The following SLC25A21 variants were observed in gnomAD, a reference collection of about 807,000 sequenced individuals.
SLC25A21 encodes the protein mitochondrial 2-oxodicarboxylate carrier.
Under a neutral mutation model 43.8 loss-of-function variants are expected in SLC25A21, and 47 were observed. The ratio of observed to expected loss-of-function variants is 1.07; its 90% CI spans 0.85 to 1.37. The LOEUF (loss-of-function observed/expected upper bound fraction) is 1.37, where lower values mean the gene tolerates loss of function less well. Ranked by LOEUF, SLC25A21 falls within the 40% of genes most tolerant of loss-of-function variation. SLC25A21 has a pLI of 0.00. For missense variants in SLC25A21, 352 were observed against 350.2 expected, an observed-to-expected ratio of 1.00 and a Z score of -0.04; for synonymous variants, 131 against 121.3, an observed-to-expected ratio of 1.08 and a Z score of -0.52.
intron 1 of SLC25A21, among the ~76,000 whole-genome samples, chr14:36,880,944 T>C (rs1327703436): frequency 6.6e-6 from 1 of 152,184 alleles, no homozygotes; most frequent in African/African-American, 2.4e-5. Flanking sequence ...GCAACAAGGA[T>C]GCTTGAAAGC....
chr14:37,120,104 C>T, intron 1 of SLC25A21, among the ~76,000 whole-genome samples: 1 of 151,752 alleles, frequency 6.6e-6, no homozygotes, highest in East Asian at 1.9e-4. Flanking sequence ...ATTTTTATAC[C>T]TTCTAAATTT....
intron 3 of SLC25A21, among the ~76,000 whole-genome samples, chr14:36,777,323 TAAAC>T (rs764385395): frequency 1.3e-5 from 2 of 151,972 alleles, no homozygotes; most frequent in Middle Eastern, 3.2e-3. Context: ...ACATCTTAAA[TAAAC>T]AAACAAACAA....
chr14:36,727,936 A>C (rs1403329126), intron 5 of SLC25A21, among the ~76,000 whole-genome samples: 2 of 152,192 alleles, frequency 1.3e-5, no homozygotes, highest in African/African-American at 2.4e-5. Context: ...CCAGATGTCC[A>C]GGTTTTTATT....
At chr14:37,019,704 G>A (rs1025047734) in intron 1 of SLC25A21, among the ~76,000 whole-genome samples, 4 of 151,834 alleles carry the variant, frequency 2.6e-5, no homozygotes, top group East Asian at 1.9e-4. Flanking sequence ...AGGAGACTGC[G>A]AGAGGTATTT....
At chr14:36,970,522 T>C (rs1959726092) in intron 1 of SLC25A21, among the ~76,000 whole-genome samples, 2 of 152,106 alleles carry the variant, frequency 1.3e-5, no homozygotes, top group Admixed American at 6.6e-5. Flanking sequence ...TATGAAACAA[T>C]AACTAGAGGG....
At chr14:36,861,780 CAGAT>C (rs753585242) in intron 2 of SLC25A21, among the ~76,000 whole-genome samples, 15 of 152,196 alleles carry the variant, frequency 9.9e-5, no homozygotes, top group Non-Finnish European at 2.2e-4. Flanking sequence ...GAGCTAATCT[CAGAT>C]AGACCTTGAA....
intron 2 of SLC25A21, among the ~76,000 whole-genome samples, chr14:36,834,599 C>G (rs1889145864): frequency 6.6e-6 from 1 of 152,306 alleles, no homozygotes; most frequent in African/African-American, 2.4e-5. Context: ...ACTTCTCCCT[C>G]CCAACTGCCC....
rs537439651 is a variant in SLC25A21, at chr14:36,897,411, A to G, written c.71-22407T>C. ...TCAGGTCCTTTAAGGACTTCTCTGC[A>G]TTGGTTATTCTAGTTAGCCATTCGT... is the stretch of plus-strand genomic sequence containing the variant. On this transcript the variant is annotated intron_variant, in intron 1 of 9. Transcript: ENST00000331299. 1.6e-3 allele frequency among the ~76,000 whole-genome samples: 241 copies of G among 151,688 alleles called. 1 individual carries two copies. Among genetic ancestry groups the G allele is most frequent in the Non-Finnish European group, 2.6e-3 (174 of 67,892 alleles).
At chr14:37,040,440 A>AAAGAAAGAAAG (rs68013942) in intron 1 of SLC25A21, among the ~76,000 whole-genome samples, 134 of 48,688 alleles carry the variant, frequency 2.8e-3, no homozygotes, top group African/African-American at 8.0e-3. Flanking sequence ...AGAAAGAAAG[A>AAAGAAAGAAAG]AAAGAAAAAT....
chr14:36,828,768 A>G (rs144688298), intron 2 of SLC25A21: 164 of 152,272 alleles, frequency 1.1e-3, no homozygotes, highest in Non-Finnish European at 1.9e-3. Context: ...CCCTCATCAC[A>G]CTGACTTTGA....
chr14:36,934,596 C>T lies in SLC25A21; in HGVS notation c.71-59592G>A, dbSNP rs570754501. On this transcript the variant is annotated intron_variant, in intron 1 of 9. Transcript: ENST00000331299. ...TAGTTCCTATGCCATTTCCACTTAACTTCCAATTCACCAGTACTTATGGGG... is the reference window on the plus strand; with the variant it reads ...TAGTTCCTATGCCATTTCCACTTAATTTCCAATTCACCAGTACTTATGGGG... 2.0e-5 allele frequency among the ~76,000 whole-genome samples: 3 copies of T among 152,002 alleles called. No homozygotes were observed. The East Asian group carries it at 5.8e-4, about 29-fold the overall frequency.
chr14:37,111,627 A>AT (rs1963020921), intron 1 of SLC25A21, among the ~76,000 whole-genome samples: 3 of 152,222 alleles, frequency 2.0e-5, no homozygotes, highest in Non-Finnish European at 4.4e-5. Flanking sequence ...CATATTTCTC[A>AT]TCTATACCAG....
chr14:36,938,004 T>A (rs1333687007), intron 1 of SLC25A21, among the ~76,000 whole-genome samples: 1 of 152,154 alleles, frequency 6.6e-6, no homozygotes, highest in Non-Finnish European at 1.5e-5. Flanking sequence ...AACAACTTTT[T>A]TTAAAAAAAA....
intron 1 of SLC25A21, among the ~76,000 whole-genome samples, chr14:36,985,491 A>T (rs1960126711): frequency 6.6e-6 from 1 of 152,180 alleles, no homozygotes; most frequent in Admixed American, 6.5e-5. Flanking sequence ...TTAATCTCAA[A>T]TAATTCATCA....
intron 1 of SLC25A21, among the ~76,000 whole-genome samples, chr14:37,084,702 G>A (rs980652266): frequency 2.0e-5 from 3 of 152,102 alleles, no homozygotes; most frequent in African/African-American, 4.8e-5. Flanking sequence ...GTTCCTAATC[G>A]ATTCAGAATA....
intron 7 of SLC25A21, among the ~76,000 whole-genome samples, chr14:36,704,832 T>C (rs924057423): frequency 6.6e-6 from 1 of 152,192 alleles, no homozygotes; most frequent in African/African-American, 2.4e-5. Flanking sequence ...GGGCCGTAAC[T>C]TCCTGTTAGG....
rs1004662372 is a variant in SLC25A21, at chr14:36,687,403, C to T, written c.604-2478G>A. On this transcript the variant is annotated intron_variant, in intron 7 of 9. Coordinates refer to ENST00000331299, the MANE Select transcript of SLC25A21 (RefSeq NM_030631.4). ...CCATCTCGGGGGTGAGAAGAAGGTG[C>T]CTGCAAGTTGTTTAAAAAGCTCTCC... is the stretch of plus-strand genomic sequence containing the variant. Among the ~76,000 whole-genome samples the T allele has an allele frequency of 6.1e-4, 92 of 152,024 alleles. 1 individual carries two copies. The highest frequency in any genetic ancestry group is 2.9e-5 in the Non-Finnish European group (2 of 67,996).
chr14:36,873,201 C>T lies in SLC25A21; in HGVS notation c.119+1755G>A, dbSNP rs1234737606. On this transcript the variant is annotated intron_variant, in intron 2 of 9. Transcript: ENST00000331299. The stretch of plus-strand genomic sequence containing the variant: ...AGGAAATCCCAGGGAGTTTTGCTTT[C>T]TGTTTCAGAACCTTGTAATAAAGAT... Among the ~76,000 whole-genome samples the T allele has an allele frequency of 2.6e-5, 4 of 152,300 alleles. No homozygotes were observed. The East Asian group carries it at 7.7e-4, about 29-fold the overall frequency.
chr14:36,958,823 C>G (rs1959412973), intron 1 of SLC25A21, among the ~76,000 whole-genome samples: 1 of 152,210 alleles, frequency 6.6e-6, no homozygotes, highest in African/African-American at 2.4e-5. Context: ...TGGACAGAAC[C>G]AGGCCTGCCT....
Sources: gnomAD v4.1 joint callset for allele counts (sites outside exome capture counted in the v4.1 genomes callset) on GRCh38, gnomAD v4.1.1 for gene constraint, MANE v1.5 for transcripts, NCBI Gene and HGNC (gene_info 2026-07-23, HGNC 2026-07-21) for gene names.